Variants in ZSWIM5 observed in about 807,000 individuals in gnomAD.
ZSWIM5 encodes zinc finger SWIM-type containing 5.
In ZSWIM5, 55 loss-of-function variants were observed where a neutral mutation model predicts 119.6. The ratio of observed to expected loss-of-function variants is 0.46; its 90% CI spans 0.37 to 0.58. The LOEUF is 0.58. Ranked by LOEUF, ZSWIM5 falls within the 20% of genes least tolerant of loss-of-function variation. The pLI is 0.00. For missense variants in ZSWIM5, 1,193 were observed against 1,512.8 expected, an observed-to-expected ratio of 0.79 and a Z score of 3.51; for synonymous variants, 537 against 606.9, an observed-to-expected ratio of 0.88 and a Z score of 1.69.
rs760473863 is a variant in ZSWIM5 at position 45,088,496 on chromosome 1, G to A, written c.596-259C>T. ...CTGATATGAAAACTTTAGTTTGTACGTGTATACATTTTTCTGGGGGTGGGG... is the reference window on the plus strand; with the variant it reads ...CTGATATGAAAACTTTAGTTTGTACATGTATACATTTTTCTGGGGGTGGGG... On this transcript the variant is annotated intron_variant, in intron 1 of 13. Transcript: ENST00000359600. This position sits in a 1 kb window ranked among gnomAD's most constrained non-coding sequence, Gnocchi z 4.2. 3.9e-5 allele frequency among the ~76,000 whole-genome samples: 6 copies of A among 152,202 alleles called. No homozygotes were observed. In the East Asian group the frequency reaches 7.7e-4, roughly 20 times the overall value.
chr1:45,039,158 C>T lies in ZSWIM5; in HGVS notation c.1757-85G>A, dbSNP rs550804176. On this transcript the variant is annotated intron_variant, in intron 7 of 13. Transcript: ENST00000359600. ...GCCTGGGTCTTCTTATCAGTCTCTC[C>T]AGCCTTGACCCTGAGAGTCAAATAA... The T allele has an allele frequency of 1.4e-4, 202 of 1,493,620 alleles. No homozygotes were observed. In the African/African-American group the frequency reaches 2.6e-3, roughly 19 times the overall value. The allele number at this position is 1,493,620 out of a possible 1,614,324, so 92.5% of individuals were successfully genotyped here.
intron 1 of ZSWIM5, among the ~76,000 whole-genome samples, chr1:45,154,460 T>G (rs1645815282): frequency 6.6e-6 from 1 of 152,086 alleles, no homozygotes; most frequent in East Asian, 1.9e-4. Flanking sequence ...CCAACTAATC[T>G]TCGACGAAAC....
In ZSWIM5 at chr1:45,048,061, C is replaced by CCT. The variant is rs749759796; in HGVS notation, c.1432+3012_1432+3013insAG. 3.0e-3 allele frequency among the ~76,000 whole-genome samples: 351 copies of CCT among 118,720 alleles called. 31 individuals are homozygous for CCT. Among genetic ancestry groups the CCT allele is most frequent in the African/African-American group, 9.7e-3 (288 of 29,566 alleles). The allele number at this position is 118,720 out of a possible 152,430, so 77.9% of individuals were successfully genotyped here. ...TCTTTCTTTCTTTCTTTCTTTCTTTCTTTCTTTCCTTTTCTTTTCTCTTTT... is the reference window on the plus strand; with the variant it reads ...TCTTTCTTTCTTTCTTTCTTTCTTTCCTTTTCTTTCCTTTTCTTTTCTCTTTT... On this transcript the variant is annotated intron_variant, in intron 5 of 13. Transcript: ENST00000359600.
intron 11 of ZSWIM5, among the ~76,000 whole-genome samples, chr1:45,030,798 C>CTTTTTTTTT (rs56045429): frequency 2.3e-5 from 3 of 133,080 alleles, no homozygotes; most frequent in Non-Finnish European, 3.1e-5. Context: ...TTCATTCTTT[C>CTTTTTTTTT]TTTTTTTTTT....
intron 11 of ZSWIM5, among the ~76,000 whole-genome samples, chr1:45,031,242 T>A (rs1350547196): frequency 7.1e-6 from 1 of 141,770 alleles, no homozygotes; most frequent in African/African-American, 2.6e-5. Flanking sequence ...AGTGGTGTGA[T>A]CTTGGCTGAC....
rs533654093 is a variant in ZSWIM5, at chr1:45,088,800, A to G, written c.596-563T>C. Reference sequence around the variant, plus strand: ...ACATAAAAGGCAAGAAATTTAAGACATGAAAGGCACAGCTAGGTGCAATGA... The same window carrying G: ...ACATAAAAGGCAAGAAATTTAAGACGTGAAAGGCACAGCTAGGTGCAATGA... On this transcript the variant is annotated intron_variant, in intron 1 of 13. Coordinates refer to ENST00000359600, the MANE Select transcript of ZSWIM5 (RefSeq NM_020883.2). The surrounding 1 kb of genome is among the most constrained non-coding windows in gnomAD (Gnocchi z 4.2). 7.9e-4 allele frequency among the ~76,000 whole-genome samples: 120 copies of G among 152,338 alleles called. No homozygotes were observed. The highest frequency in any genetic ancestry group is 1.9e-3 in the African/African-American group (79 of 41,580).
At chr1:45,138,894 C>CTT (rs34851118) in intron 1 of ZSWIM5, among the ~76,000 whole-genome samples, 1,479 of 140,590 alleles carry the variant, frequency 0.011, 33 homozygotes, top group African/African-American at 0.037. Flanking sequence ...TTTTCTTTTT[C>CTT]TTTTTTTTTT....
chr1:45,128,942 T>C (rs1362823372), intron 1 of ZSWIM5, among the ~76,000 whole-genome samples: 1 of 152,168 alleles, frequency 6.6e-6, no homozygotes, highest in African/African-American at 2.4e-5. Flanking sequence ...CATTCAAAGT[T>C]CCTGCATGTC....
intron 2 of ZSWIM5, among the ~76,000 whole-genome samples, chr1:45,069,382 T>A (rs998898852): frequency 9.3e-5 from 14 of 150,536 alleles, no homozygotes; most frequent in African/African-American, 2.9e-4. Context: ...GCCAAGATCG[T>A]GCCACTGCAC....
chr1:45,070,013 G>T, intron 2 of ZSWIM5: 1 of 761,396 alleles, frequency 1.3e-6, no homozygotes, highest in South Asian at 1.4e-5. Flanking sequence ...TCATTCTCAT[G>T]AATACTTGAG....
At chr1:45,049,233 A>G (rs1239284983) in intron 5 of ZSWIM5, among the ~76,000 whole-genome samples, 1 of 152,244 alleles carries the variant, frequency 6.6e-6, no homozygotes, top group Non-Finnish European at 1.5e-5. Context: ...GGATTGACCC[A>G]GAGGTCTACA....
intron 5 of ZSWIM5, 103 bp from the exon 6 acceptor site, chr1:45,043,498 A>G: frequency 8.9e-7 from 1 of 1,125,898 alleles, no homozygotes; most frequent in East Asian, 2.4e-5. Context: ...TAGTATTTTA[A>G]AAGAATAACT....
intron 11 of ZSWIM5, among the ~76,000 whole-genome samples, chr1:45,027,569 G>T (rs1200900737): frequency 6.6e-6 from 1 of 151,916 alleles, no homozygotes; most frequent in Non-Finnish European, 1.5e-5. Context: ...GCTAATTTTT[G>T]TATTTTTGTA....
At chr1:45,078,715 C>T (rs979737076) in intron 2 of ZSWIM5, among the ~76,000 whole-genome samples, 2 of 152,346 alleles carry the variant, frequency 1.3e-5, no homozygotes, top group East Asian at 3.9e-4. Context: ...AGGCTCCAAT[C>T]AGCAGGTGGC....
chr1:45,205,737 C>A lies in ZSWIM5; in HGVS notation c.595+19G>T. 6.5e-7 allele frequency: 1 copy of A among 1,544,974 alleles called. No individual in the cohort carries two copies. Among genetic ancestry groups the A allele is most frequent in the Non-Finnish European group, 8.7e-7 (1 of 1,149,544 alleles). The stretch of plus-strand genomic sequence containing the variant: ...GAAGAGGAGGCTGAGGACCCGAGAA[C>A]GCCTGGACGAGCACATACCGACTTG... On this transcript the variant is annotated intron_variant, in intron 1 of 13. Coordinates refer to ENST00000359600, the MANE Select transcript of ZSWIM5 (RefSeq NM_020883.2).
intron 4 of ZSWIM5, among the ~76,000 whole-genome samples, chr1:45,052,705 G>A (rs1005784107): frequency 2.0e-5 from 3 of 149,970 alleles, no homozygotes; most frequent in Non-Finnish European, 4.4e-5. Flanking sequence ...CCCAGGAGGT[G>A]GAAGTTACAG....
intron 1 of ZSWIM5, among the ~76,000 whole-genome samples, chr1:45,104,803 C>T (rs548695402): frequency 1.7e-3 from 256 of 152,308 alleles, no homozygotes; most frequent in South Asian, 5.8e-3. Context: ...GTATTAACCT[C>T]CGAAGAACAG....
intron 1 of ZSWIM5, among the ~76,000 whole-genome samples, chr1:45,118,495 A>T (rs774518295): frequency 6.6e-6 from 1 of 152,124 alleles, no homozygotes. Context: ...TAATCCCAGT[A>T]CTTCGGGATA....
chr1:45,081,238 GCTCCCT>G (rs72132650), intron 2 of ZSWIM5, among the ~76,000 whole-genome samples: 49,695 of 146,222 alleles, frequency 0.34, 9,347 homozygotes, highest in African/African-American at 0.52. Context: ...TCTTTATCTA[GCTCCCT>G]CTCCCTCTCC....
Sources: gnomAD v4.1 joint callset for allele counts (sites outside exome capture counted in the v4.1 genomes callset) on GRCh38, gnomAD v4.1.1 for gene constraint, Gnocchi (gnomAD v3.1) non-coding constraint, MANE v1.5 for transcripts, NCBI Gene and HGNC (gene_info 2026-07-23, HGNC 2026-07-21) for gene names.